The following CDYL variants were observed in gnomAD, a reference collection of about 807,000 sequenced individuals.
CDYL encodes chromodomain Y like.
Under a neutral mutation model 47.3 loss-of-function variants are expected in CDYL, and 8 were observed. The observed-to-expected ratio is 0.17, with a 90% CI of 0.10 to 0.31. CDYL has a LOEUF of 0.31. Among genes scored for constraint, CDYL ranks in the 10% least tolerant of loss-of-function variants. The pLI is 1.00. For missense variants in CDYL, 471 were observed against 701.4 expected, an observed-to-expected ratio of 0.67 and a Z score of 3.71; for synonymous variants, 266 against 265.0, an observed-to-expected ratio of 1.00 and a Z score of -0.04.
chr6:4,819,065 T>C (rs901474063), intron 1 of CDYL, among the ~76,000 whole-genome samples: 2 of 150,802 alleles, frequency 1.3e-5, no homozygotes, highest in Non-Finnish European at 1.5e-5. Flanking sequence ...CCAACTGTTT[T>C]TATACCTTGA....
At chr6:4,876,570 G>A (rs767460025) in intron 1 of CDYL, among the ~76,000 whole-genome samples, 1 of 152,038 alleles carries the variant, frequency 6.6e-6, no homozygotes, top group South Asian at 2.1e-4. Context: ...CTCATGAACG[G>A]TGTGATATTC....
chr6:4,855,887 G>A lies in CDYL; in HGVS notation c.25-35826G>A, dbSNP rs144084722. Among the ~76,000 whole-genome samples, 634 of 152,250 alleles carry A rather than the reference G, an allele frequency of 4.2e-3. 1 individual carries two copies. Among genetic ancestry groups the A allele is most frequent in the African/African-American group, 0.014 (593 of 41,546 alleles). On this transcript the variant is annotated intron_variant, in intron 1 of 6. Transcript: ENST00000397588. The stretch of plus-strand genomic sequence containing the variant: ...GACTTTAGAACCCTTGCCTTGTCAC[G>A]GCCAAGCTCAGTACTGGGCATCTCA...
rs145710209 is a variant in CDYL at position 4,937,637 on chromosome 6, G to A, written c.1021G>A (p.Val341Ile). 4.9e-4 allele frequency: 795 copies of A among 1,613,660 alleles called. 1 individual carries two copies. Among genetic ancestry groups the A allele is most frequent in the Non-Finnish European group, 6.1e-4 (720 of 1,179,820 alleles). The change falls in exon 4 of 7, where the codon GTT (valine) becomes ATT (isoleucine). Residue 341 changes from valine (V) to isoleucine (I), a missense_variant. By Grantham distance (29) the Val-to-Ile change is conservative (BLOSUM62 3). Around this residue, in one of 3 missense-constraint regions of CDYL, gnomAD observed 103 missense variants for 277.1 expected, o/e 0.37. Transcript: ENST00000397588. ...DDSKLVLLSA[V>I]GSVFCCGLDF... ...CAGCAAGCTGGTACTGCTCAGCGCC[G>A]TTGGCAGCGTCTTCTGTTGTGGACT...
At chr6:4,717,704 A>C (rs1215552169) in intron 2 of CDYL, among the ~76,000 whole-genome samples, 37 of 5,040 alleles carry the variant, frequency 7.3e-3, no homozygotes, top group Non-Finnish European at 0.041. Context: ...AGACCCTCAC[A>C]AAAAAAAAAA....
chr6:4,947,960 G>A (rs536452268), intron 5 of CDYL, among the ~76,000 whole-genome samples: 58 of 152,314 alleles, frequency 3.8e-4, no homozygotes, highest in Non-Finnish European at 6.9e-4. Flanking sequence ...GGGTGGGGAC[G>A]TGGGTGGCTT....
At chr6:4,857,355 G>A (rs903480268) in intron 1 of CDYL, among the ~76,000 whole-genome samples, 3 of 152,158 alleles carry the variant, frequency 2.0e-5, no homozygotes, top group East Asian at 1.9e-4. Flanking sequence ...ATAACAATGC[G>A]TTTTTATATA....
intron 1 of CDYL, among the ~76,000 whole-genome samples, chr6:4,868,396 A>T (rs555022737): frequency 6.6e-6 from 1 of 151,644 alleles, no homozygotes; most frequent in East Asian, 1.9e-4. Context: ...TTTAATTTTT[A>T]AATTTTGGAG....
chr6:4,941,478 GT>G (rs1346915924), intron 4 of CDYL, among the ~76,000 whole-genome samples: 1 of 152,184 alleles, frequency 6.6e-6, no homozygotes. Flanking sequence ...AGAATGGCCA[GT>G]TCCCATTCCC....
intron 1 of CDYL, among the ~76,000 whole-genome samples, chr6:4,709,690 A>T (rs1010665974): frequency 1.2e-4 from 19 of 152,128 alleles, no homozygotes; most frequent in Non-Finnish European, 1.9e-4. Context: ...ACACCTTTTT[A>T]AAAAATTACC....
chr6:4,789,436 G>A (rs570284226), intron 1 of CDYL, among the ~76,000 whole-genome samples: 5 of 152,010 alleles, frequency 3.3e-5, no homozygotes, highest in Admixed American at 6.5e-5. Context: ...TGGGCCCTCC[G>A]CACCACATCT....
intron 1 of CDYL, among the ~76,000 whole-genome samples, chr6:4,780,727 A>C (rs1436707549): frequency 1.3e-5 from 2 of 152,208 alleles, no homozygotes; most frequent in East Asian, 3.8e-4. Context: ...TTCCATTTTT[A>C]AAGAGGAAAA....
chr6:4,744,360 T>C (rs1343907610), intron 3 of CDYL, among the ~76,000 whole-genome samples: 1 of 152,090 alleles, frequency 6.6e-6, no homozygotes, highest in Middle Eastern at 3.2e-3. Context: ...AGACGTGTGG[T>C]GCTGCATGCC....
intron 1 of CDYL, among the ~76,000 whole-genome samples, chr6:4,793,157 C>A (rs185985375): frequency 6.6e-6 from 1 of 152,230 alleles, no homozygotes; most frequent in Admixed American, 6.5e-5. Context: ...CCATCTACAC[C>A]CTGGAATCAT....
rs141616292 is a variant in CDYL, at chr6:4,742,719, A to G, written c.186+7875A>G. ...ATTCCTTGATTGAGCTGCTGCCTTG[A>G]AGGATCTCTCTTGTCCATTGCCCCC... On this transcript the variant is annotated intron_variant, in intron 3 of 8. Coordinates refer to the CDYL transcript ENST00000328908. Among the ~76,000 whole-genome samples, 126 of 152,344 alleles carry G rather than the reference A, an allele frequency of 8.3e-4. 1 individual carries two copies. In the South Asian group the frequency reaches 0.016, roughly 20 times the overall value.
Position 4,895,039 on chromosome 6 carries a change from A to G in CDYL, c.691+2660A>G, listed in dbSNP as rs537203597. ...TATATGTATGTATGTGTATATATGT[A>G]TCTATATACACATGTACATATGGGT... is the stretch of plus-strand genomic sequence containing the variant. On this transcript the variant is annotated intron_variant, in intron 2 of 6. Transcript: ENST00000397588. Among the ~76,000 whole-genome samples the G allele has an allele frequency of 1.2e-4, 18 of 150,302 alleles. No homozygotes were observed. In the South Asian group the frequency reaches 3.6e-3, roughly 30 times the overall value.
At chr6:4,793,406 T>C (rs929088237) in intron 1 of CDYL, among the ~76,000 whole-genome samples, 2 of 152,074 alleles carry the variant, frequency 1.3e-5, no homozygotes, top group Middle Eastern at 3.4e-3. Flanking sequence ...ATTGATAGGG[T>C]AACATTTGGG....
chr6:4,750,008 A>G (rs962346115), intron 3 of CDYL, among the ~76,000 whole-genome samples: 1 of 152,068 alleles, frequency 6.6e-6, no homozygotes, highest in African/African-American at 2.4e-5. Flanking sequence ...GTCTCTCTTC[A>G]TTCCTAATTA....
chr6:4,841,240 G>A lies in CDYL; in HGVS notation c.25-50473G>A, dbSNP rs145207044. Among the ~76,000 whole-genome samples, 1,464 of 152,196 alleles carry A rather than the reference G, an allele frequency of 9.6e-3. 11 individuals are homozygous for A. Among genetic ancestry groups the A allele is most frequent in the Non-Finnish European group, 0.012 (837 of 67,982 alleles). On this transcript the variant is annotated intron_variant, in intron 1 of 6. Transcript: ENST00000397588. ...GGCTTGAATAAACTTTTGTATTTCT[G>A]TGGTATCAGTTGTGGTATCTCCTGT... is the stretch of plus-strand genomic sequence containing the variant.
rs1218705729 is a variant in CDYL at position 4,901,007 on chromosome 6, CAG to C, written c.691+8629_691+8630del. ...GATTCAGGGTCCTCCCCACCCCACT[CAG>C]GGGTGAGGTAGGACTATCTAGGCCC... On this transcript the variant is annotated intron_variant, in intron 2 of 6. Coordinates refer to ENST00000397588, the MANE Select transcript of CDYL (RefSeq NM_004824.4). 3.3e-5 allele frequency among the ~76,000 whole-genome samples: 5 copies of C among 149,586 alleles called. 1 individual carries two copies. Among genetic ancestry groups the C allele is most frequent in the Middle Eastern group, 6.8e-3 (2 of 292 alleles).
Sources: gnomAD v4.1 joint callset for allele counts (sites outside exome capture counted in the v4.1 genomes callset) on GRCh38, gnomAD v4.1.1 for gene constraint, gnomAD v4.1.1 regional missense constraint, MANE v1.5 for transcripts, NCBI Gene and HGNC (gene_info 2026-07-23, HGNC 2026-07-21) for gene names.